Variants in GRM7 observed in about 807,000 individuals in gnomAD.
GRM7 encodes the protein metabotropic glutamate receptor 7.
In GRM7, 35 loss-of-function variants were observed where a neutral mutation model predicts 84.5. The ratio of observed to expected loss-of-function variants is 0.41; its 90% CI spans 0.32 to 0.55. GRM7 has a LOEUF of 0.55. Among genes scored for constraint, GRM7 ranks in the 20% least tolerant of loss-of-function variants. The pLI is 0.19. For missense variants in GRM7, 1,003 were observed against 1,194.6 expected (o/e 0.84, Z 2.36); for synonymous variants, 487 against 455.1 (o/e 1.07, Z -0.89).
intron 4 of GRM7, among the ~76,000 whole-genome samples, chr3:7,358,977 G>A (rs1323879602): frequency 7.9e-6 from 1 of 126,660 alleles, no homozygotes; most frequent in Middle Eastern, 3.6e-3. Flanking sequence ...AACTTACCTG[G>A]GCGAGGTGGC....
At chr3:7,264,691 G>C (rs9844305) in intron 2 of GRM7, among the ~76,000 whole-genome samples, 152,344 of 152,344 alleles carry the variant, frequency 1, 76,172 homozygotes, top group Non-Finnish European at 1. Context: ...GATGTTCCTC[G>C]TGGTTGTGTC....
intron 8 of GRM7, among the ~76,000 whole-genome samples, chr3:7,622,724 G>T (rs1405659751): frequency 1.3e-5 from 2 of 152,070 alleles, no homozygotes; most frequent in African/African-American, 4.8e-5. Context: ...CTGCCTCGGT[G>T]TCTCACACTG....
chr3:7,152,435 G>A (rs920317186), intron 2 of GRM7, among the ~76,000 whole-genome samples: 4 of 152,110 alleles, frequency 2.6e-5, no homozygotes, highest in Admixed American at 6.6e-5. Flanking sequence ...GATGTTTAGC[G>A]TGAAACATAA....
chr3:7,237,824 G>A (rs1964768), intron 2 of GRM7, among the ~76,000 whole-genome samples: 136,849 of 152,180 alleles, frequency 0.9, 61,791 homozygotes, highest in East Asian at 0.98. Context: ...GGTCCATTTT[G>A]CAGCGTAACG....
At chr3:7,693,979 C>T (rs950878025) in intron 9 of GRM7, among the ~76,000 whole-genome samples, 5 of 152,154 alleles carry the variant, frequency 3.3e-5, no homozygotes, top group Non-Finnish European at 5.9e-5. Context: ...TATTGTTCTA[C>T]TGTGATGCAA....
chr3:7,604,732 C>A (rs1696479953), intron 8 of GRM7, among the ~76,000 whole-genome samples: 1 of 152,098 alleles, frequency 6.6e-6, no homozygotes, highest in Non-Finnish European at 1.5e-5. Flanking sequence ...AAAAGGAAGA[C>A]AGATACATTG....
chr3:6,898,498 G>T (rs1384023238), intron 1 of GRM7, among the ~76,000 whole-genome samples: 2 of 151,608 alleles, frequency 1.3e-5, no homozygotes, highest in Non-Finnish European at 2.9e-5. Context: ...GAGGCTGGAA[G>T]TTAAGATAAA....
At chr3:7,031,485 C>T (rs113881813) in intron 1 of GRM7, among the ~76,000 whole-genome samples, 3 of 151,934 alleles carry the variant, frequency 2.0e-5, no homozygotes, top group African/African-American at 2.4e-5. Flanking sequence ...GGCCTGATCT[C>T]GGCTCACTGC....
intron 1 of GRM7, among the ~76,000 whole-genome samples, chr3:7,112,868 C>T (rs1037069609): frequency 6.6e-6 from 1 of 152,164 alleles, no homozygotes; most frequent in African/African-American, 2.4e-5. Context: ...ACACATCAAA[C>T]AATAGGACTA....
At chr3:7,177,586 G>A (rs973060311) in intron 2 of GRM7, among the ~76,000 whole-genome samples, 4 of 151,046 alleles carry the variant, frequency 2.6e-5, no homozygotes, top group African/African-American at 4.9e-5. Flanking sequence ...GGGCGACAGA[G>A]TGACATGGAG....
chr3:7,351,043 C>G (rs976658456), intron 4 of GRM7, among the ~76,000 whole-genome samples: 1 of 152,016 alleles, frequency 6.6e-6, no homozygotes, highest in Non-Finnish European at 1.5e-5. Flanking sequence ...TGCTAAAACC[C>G]TAAAACAGTG....
At chr3:7,226,412 G>C (rs544704911) in intron 2 of GRM7, among the ~76,000 whole-genome samples, 1 of 152,126 alleles carries the variant, frequency 6.6e-6, no homozygotes, top group Non-Finnish European at 1.5e-5. Flanking sequence ...TGGAGGTTTT[G>C]TAGGTCCTAG....
intron 9 of GRM7, among the ~76,000 whole-genome samples, chr3:7,721,764 T>C (rs1701957146): frequency 6.6e-6 from 1 of 152,232 alleles, no homozygotes; most frequent in African/African-American, 2.4e-5. Context: ...AGAGTTGACA[T>C]GGTTGTATGC....
chr3:7,618,444 A>C (rs2125086034), intron 8 of GRM7, among the ~76,000 whole-genome samples: 1 of 152,288 alleles, frequency 6.6e-6, no homozygotes, highest in South Asian at 2.1e-4. Flanking sequence ...TAAATGCCAA[A>C]ATGAACATTT....
At chr3:7,049,212 G>T (rs886948996) in intron 1 of GRM7, among the ~76,000 whole-genome samples, 1 of 151,874 alleles carries the variant, frequency 6.6e-6, no homozygotes, top group Admixed American at 6.6e-5. Flanking sequence ...CATGTAGCAC[G>T]TTGTACTGGT....
chr3:7,494,721 C>T (rs1016113113), intron 7 of GRM7, among the ~76,000 whole-genome samples: 1 of 152,156 alleles, frequency 6.6e-6, no homozygotes, highest in African/African-American at 2.4e-5. Flanking sequence ...GTCATCTATA[C>T]TCTTGAGCCC....
intron 1 of GRM7, among the ~76,000 whole-genome samples, chr3:7,022,839 A>G (rs1328906460): frequency 6.6e-6 from 1 of 152,154 alleles, no homozygotes; most frequent in Non-Finnish European, 1.5e-5. Flanking sequence ...AAATCAACTG[A>G]CAAAAGGCAG....
intron 9 of GRM7, among the ~76,000 whole-genome samples, chr3:7,725,270 G>A (rs1213195810): frequency 6.6e-6 from 1 of 152,138 alleles, no homozygotes; most frequent in Non-Finnish European, 1.5e-5. Flanking sequence ...AAGAGAAACA[G>A]CCATCTTTGG....
At chr3:7,136,860 G>A (rs1287147143) in intron 1 of GRM7, among the ~76,000 whole-genome samples, 2 of 152,128 alleles carry the variant, frequency 1.3e-5, no homozygotes, top group African/African-American at 4.8e-5. Flanking sequence ...GGAATGGGGA[G>A]AAGAATAAAC....
Sources: allele counts gnomAD v4.1 joint callset (sites outside exome capture counted in the v4.1 genomes callset), GRCh38; gene constraint gnomAD v4.1.1; transcripts MANE v1.5; gene names NCBI Gene and HGNC (gene_info 2026-07-23, HGNC 2026-07-21).